FCHSD2: variants seen among roughly 807,000 people sequenced by gnomAD.
The protein encoded by FCHSD2 is FCH and double SH3 domains 2.
FCHSD2 carries 38 observed loss-of-function variants against 108.1 expected under a neutral mutation model. That is an observed-to-expected ratio of 0.35 (90% CI 0.27 to 0.46). FCHSD2 has a LOEUF of 0.46. FCHSD2 is among the 20% of genes least tolerant of loss of function. The pLI, the probability that FCHSD2 is intolerant of heterozygous loss-of-function variation, is 1.00. For synonymous variants in FCHSD2, 279 were observed against 314.7 expected (o/e 0.89, Z 1.20); for missense variants, 751 against 897.8 (o/e 0.84, Z 2.09).
chr11:73,104,227 A>G (rs886812421), intron 2 of FCHSD2, among the ~76,000 whole-genome samples: 1 of 152,232 alleles, frequency 6.6e-6, no homozygotes. Flanking sequence ...ATATAGTATC[A>G]TTTACTTTGC....
At chr11:73,071,957 T>C (rs1859447629) in intron 3 of FCHSD2, among the ~76,000 whole-genome samples, 1 of 152,048 alleles carries the variant, frequency 6.6e-6, no homozygotes, top group African/African-American at 2.4e-5. Flanking sequence ...CATAAACTGA[T>C]ATAGAGAGGT....
chr11:73,038,790 C>G (rs1310418014), intron 3 of FCHSD2, among the ~76,000 whole-genome samples: 1 of 152,112 alleles, frequency 6.6e-6, no homozygotes, highest in Admixed American at 6.5e-5. Flanking sequence ...ACCTCGGCAT[C>G]ATGCAATATA....
chr11:72,884,752 C>G (rs1855162885), intron 12 of FCHSD2, among the ~76,000 whole-genome samples: 1 of 151,828 alleles, frequency 6.6e-6, no homozygotes, highest in Non-Finnish European at 1.5e-5. Flanking sequence ...TGTTAGCATA[C>G]CCAGCTAATT....
At chr11:72,974,277 A>G (rs973861377) in intron 8 of FCHSD2, among the ~76,000 whole-genome samples, 7 of 152,220 alleles carry the variant, frequency 4.6e-5, no homozygotes, top group African/African-American at 1.7e-4. Context: ...ACAGAACACA[A>G]GAGGGAAAGT....
chr11:73,067,668 TCAGA>T (rs1859329039), intron 3 of FCHSD2, among the ~76,000 whole-genome samples: 2 of 151,698 alleles, frequency 1.3e-5, no homozygotes, highest in African/African-American at 4.8e-5. Flanking sequence ...TGCAAAATCA[TCAGA>T]CAGAGAAGGA....
chr11:73,050,838 A>G (rs1263496541), intron 3 of FCHSD2, among the ~76,000 whole-genome samples: 1 of 152,206 alleles, frequency 6.6e-6, no homozygotes, highest in Non-Finnish European at 1.5e-5. Flanking sequence ...TCTAAGAAAA[A>G]TAATATAAGA....
Position 73,136,440 on chromosome 11 carries a change from A to C in FCHSD2, c.119+3591T>G, listed in dbSNP as rs373414387. 3.5e-3 allele frequency among the ~76,000 whole-genome samples: 527 copies of C among 151,540 alleles called. 1 individual carries two copies. The highest frequency in any genetic ancestry group is 0.012 in the African/African-American group (505 of 41,342). On this transcript the variant is annotated intron_variant, in intron 2 of 19. Transcript: ENST00000409418. Reference sequence around the variant, plus strand: ...CCGCGCACCTGGAGTCTCAGCTACCATGGAGGATGAGATGGGAGGATCGCT... The same window carrying C: ...CCGCGCACCTGGAGTCTCAGCTACCCTGGAGGATGAGATGGGAGGATCGCT...
chr11:73,091,522 C>T (rs545097529), intron 2 of FCHSD2, among the ~76,000 whole-genome samples: 2 of 152,070 alleles, frequency 1.3e-5, no homozygotes, highest in Admixed American at 6.5e-5. Flanking sequence ...GCACTCCAGC[C>T]TGGGCCACAG....
intron 3 of FCHSD2, among the ~76,000 whole-genome samples, chr11:73,024,194 C>T (rs771623785): frequency 6.6e-6 from 1 of 151,624 alleles, no homozygotes; most frequent in Non-Finnish European, 1.5e-5. Flanking sequence ...TTGGGGGAAC[C>T]GAAGATAGAA....
Position 72,966,469 on chromosome 11 carries a change from C to T in FCHSD2, c.705+17619G>A, listed in dbSNP as rs188956217. Among the ~76,000 whole-genome samples, 4 of 152,076 alleles carry T rather than the reference C, an allele frequency of 2.6e-5. No individual in the cohort carries two copies. The East Asian group carries it at 5.8e-4, about 22-fold the overall frequency. Reference sequence around the variant, plus strand: ...ACCACCACACCCGGACTAAACTGAGCATATTACTTTGTTATACTAATACGG... The same window carrying T: ...ACCACCACACCCGGACTAAACTGAGTATATTACTTTGTTATACTAATACGG... On this transcript the variant is annotated intron_variant, in intron 8 of 19. Coordinates refer to ENST00000409418, the MANE Select transcript of FCHSD2 (RefSeq NM_014824.3).
intron 3 of FCHSD2, among the ~76,000 whole-genome samples, chr11:73,052,406 T>C (rs1414694848): frequency 6.6e-6 from 1 of 150,834 alleles, no homozygotes; most frequent in African/African-American, 2.4e-5. Context: ...CTTGGTATAA[T>C]TTTTTTTTTA....
At chr11:72,974,161 G>A (rs1857062230) in intron 8 of FCHSD2, among the ~76,000 whole-genome samples, 1 of 152,116 alleles carries the variant, frequency 6.6e-6, no homozygotes, top group Admixed American at 6.5e-5. Flanking sequence ...AACAACAGAC[G>A]TTTATTTGGT....
intron 17 of FCHSD2, among the ~76,000 whole-genome samples, 188 bp from the exon 18 acceptor site, chr11:72,841,771 C>CT (rs1402910703): frequency 6.6e-6 from 1 of 152,184 alleles, no homozygotes; most frequent in Non-Finnish European, 1.5e-5. Flanking sequence ...TTGCACTTCA[C>CT]TTTTTCCTCT....
chr11:72,936,352 T>C (rs1169614992), intron 8 of FCHSD2, among the ~76,000 whole-genome samples: 1 of 152,224 alleles, frequency 6.6e-6, no homozygotes, highest in Non-Finnish European at 1.5e-5. Context: ...TATAAAATAA[T>C]TTAAAAATAG....
chr11:72,878,531 G>T (rs1855015920), intron 12 of FCHSD2, among the ~76,000 whole-genome samples: 1 of 152,146 alleles, frequency 6.6e-6, no homozygotes, highest in Admixed American at 6.5e-5. Flanking sequence ...AAAATATAAG[G>T]TGAACACTGT....
chr11:73,004,486 C>T (rs1350004835), intron 4 of FCHSD2, among the ~76,000 whole-genome samples: 1 of 152,108 alleles, frequency 6.6e-6, no homozygotes, highest in African/African-American at 2.4e-5. Flanking sequence ...CTATAAGAAC[C>T]CACAATCCAT....
At chr11:73,012,435 A>C (rs534273525) in intron 4 of FCHSD2, among the ~76,000 whole-genome samples, 17 of 152,358 alleles carry the variant, frequency 1.1e-4, no homozygotes, top group African/African-American at 4.1e-4. Context: ...GATGCTTGGG[A>C]AATGATATTC....
chr11:72,991,416 G>T (rs1857412282), intron 5 of FCHSD2, among the ~76,000 whole-genome samples: 2 of 152,242 alleles, frequency 1.3e-5, no homozygotes, highest in Admixed American at 6.5e-5. Flanking sequence ...CAAAAAAAGA[G>T]AATTTTAGAC....
intron 2 of FCHSD2, among the ~76,000 whole-genome samples, chr11:73,113,351 GTCT>G (rs1860533804): frequency 8.4e-6 from 1 of 119,436 alleles, no homozygotes; most frequent in African/African-American, 3.2e-5. Flanking sequence ...TCCCAAGATG[GTCT>G]TTTTTTTTTT....
Sources: gnomAD v4.1 joint callset for allele counts (sites outside exome capture counted in the v4.1 genomes callset) on GRCh38, gnomAD v4.1.1 for gene constraint, MANE v1.5 for transcripts, NCBI Gene and HGNC (gene_info 2026-07-23, HGNC 2026-07-21) for gene names.